COL11A1: variants seen among roughly 807,000 people sequenced by gnomAD.
COL11A1 encodes collagen alpha-1(XI) chain.
COL11A1 carries 74 observed loss-of-function variants against 265.2 expected under a neutral mutation model. The ratio of observed to expected loss-of-function variants is 0.28; its 90% CI spans 0.23 to 0.34. COL11A1 has a LOEUF of 0.34. Ranked by LOEUF, COL11A1 falls within the 10% of genes least tolerant of loss-of-function variation. COL11A1 has a pLI of 1.00. For synonymous variants in COL11A1, 816 were observed against 727.6 expected (o/e 1.12, Z -1.96); for missense variants, 2,165 against 2,263.6 (o/e 0.96, Z 0.88).
In COL11A1 at chr1:102,996,000, G is replaced by T. The variant is rs759469788; in HGVS notation, c.2284C>A (p.Arg762=). 6.2e-7 allele frequency: 1 copy of T among 1,613,174 alleles called. No homozygotes were observed. Among genetic ancestry groups the T allele is most frequent in the South Asian group, 1.1e-5 (1 of 91,062 alleles). ...PQGPIGYPGP[R]GVKGADGVRG... The stretch of plus-strand genomic sequence containing the variant: ...CAATTTAACGTTACCTTTACTCCCC[G>T]GGGGCCCGGGTATCCAATAGGACCT... The change falls in exon 27 of 67, where the codon CGG becomes AGG. Residue 762 remains arginine (R), a synonymous_variant. Coordinates refer to ENST00000370096, the MANE Select transcript of COL11A1 (RefSeq NM_001854.4).
chr1:103,025,688 G>C, intron 6 of COL11A1, 75 bp from the exon 7 acceptor site: 1 of 1,562,426 alleles, frequency 6.4e-7, no homozygotes, highest in Non-Finnish European at 8.8e-7. Context: ...GATTTAATTG[G>C]GTTATAGTAT....
intron 54 of COL11A1, among the ~76,000 whole-genome samples, chr1:102,908,206 T>G (rs1371439417): frequency 1.3e-5 from 2 of 152,138 alleles, no homozygotes; most frequent in Non-Finnish European, 2.9e-5. Flanking sequence ...TACTTTTTCA[T>G]GCCTTTGGCA....
At chr1:102,993,995 G>A (rs934456940) in intron 28 of COL11A1, among the ~76,000 whole-genome samples, 2 of 152,142 alleles carry the variant, frequency 1.3e-5, no homozygotes, top group East Asian at 1.9e-4. Context: ...AAGTAGGTGA[G>A]CTAATGTGAA....
intron 53 of COL11A1, 59 bp from the exon 54 acceptor site, chr1:102,912,271 A>C: frequency 7.1e-7 from 1 of 1,411,460 alleles, no homozygotes; most frequent in Non-Finnish European, 9.7e-7. Context: ...GGCCCACATA[A>C]ATTTTCAAAA....
chr1:102,916,005 G>A (rs971311935), intron 49 of COL11A1, among the ~76,000 whole-genome samples: 47 of 152,054 alleles, frequency 3.1e-4, no homozygotes, highest in Non-Finnish European at 5.1e-4. Context: ...TATTTGCACT[G>A]TGTCAATATT....
At chr1:103,012,304 A>T in intron 14 of COL11A1, 109 bp downstream of exon 14, 1 of 792,092 alleles carries the variant, frequency 1.3e-6, no homozygotes, top group Non-Finnish European at 2.2e-6. Context: ...GCATGAAAAC[A>T]TACCCTATTG....
chr1:102,951,744 AAAAATAAAAT>A (rs140090643), intron 41 of COL11A1, among the ~76,000 whole-genome samples: 27,676 of 151,638 alleles, frequency 0.18, 2,695 homozygotes, highest in African/African-American at 0.22. Flanking sequence ...TCCGTCTTAA[AAAAATAAAAT>A]AAAATAAAAT....
At chr1:102,971,580 T>C (rs1317402895) in intron 36 of COL11A1, among the ~76,000 whole-genome samples, 2 of 152,172 alleles carry the variant, frequency 1.3e-5, no homozygotes, top group Admixed American at 1.3e-4. Context: ...TTAATATATG[T>C]TCTTATAGAG....
At chr1:103,032,798 C>G (rs1008858412) in intron 4 of COL11A1, among the ~76,000 whole-genome samples, 2 of 152,014 alleles carry the variant, frequency 1.3e-5, no homozygotes, top group Non-Finnish European at 2.9e-5. Context: ...ATTTATATTT[C>G]TATGCTTACA....
intron 54 of COL11A1, among the ~76,000 whole-genome samples, chr1:102,902,192 A>G (rs1269044450): frequency 6.6e-6 from 1 of 152,186 alleles, no homozygotes; most frequent in African/African-American, 2.4e-5. Flanking sequence ...GGACCTGTTA[A>G]GAGTTCACTT....
intron 31 of COL11A1, among the ~76,000 whole-genome samples, chr1:102,983,438 C>T (rs1663230099): frequency 6.6e-6 from 1 of 151,898 alleles, no homozygotes; most frequent in Admixed American, 6.6e-5. Context: ...TCCCTAAATC[C>T]AATGGCGAGT....
chr1:102,884,973 T>G (rs1325017308), intron 63 of COL11A1, among the ~76,000 whole-genome samples: 1 of 152,194 alleles, frequency 6.6e-6, no homozygotes. Context: ...ATTAAAACCC[T>G]TATTCCAGAG....
chr1:102,991,228 G>C (rs1177417877), intron 28 of COL11A1, among the ~76,000 whole-genome samples: 1 of 152,018 alleles, frequency 6.6e-6, no homozygotes, highest in African/African-American at 2.4e-5. Context: ...TTTTATTTCA[G>C]TTGGTAGAAA....
chr1:102,968,013 A>G (rs1343349457), intron 37 of COL11A1, among the ~76,000 whole-genome samples: 2 of 152,230 alleles, frequency 1.3e-5, no homozygotes, highest in Non-Finnish European at 2.9e-5. Flanking sequence ...GCTGGAAGAC[A>G]GCATTGCCCA....
intron 41 of COL11A1, among the ~76,000 whole-genome samples, chr1:102,953,300 G>T (rs965702637): frequency 6.6e-6 from 1 of 151,412 alleles, no homozygotes; most frequent in Non-Finnish European, 1.5e-5. Flanking sequence ...AGTAGTTACT[G>T]GCACATAGTA....
At chr1:103,029,029 T>A (rs987074599) in intron 5 of COL11A1, among the ~76,000 whole-genome samples, 2 of 152,046 alleles carry the variant, frequency 1.3e-5, no homozygotes, top group Admixed American at 6.6e-5. Context: ...TATGATTAAA[T>A]TAAAATCTGT....
chr1:102,911,259 T>C (rs1654637913), intron 54 of COL11A1, among the ~76,000 whole-genome samples: 1 of 152,152 alleles, frequency 6.6e-6, no homozygotes. Flanking sequence ...AAGAGAAATG[T>C]TTGTAAATAT....
At chr1:103,088,298 C>T (rs1295158615) in intron 1 of COL11A1, among the ~76,000 whole-genome samples, 1 of 152,072 alleles carries the variant, frequency 6.6e-6, no homozygotes. Context: ...TCTGGGCCTC[C>T]GTTTCTATAT....
chr1:103,003,364 A>C, intron 20 of COL11A1, 96 bp from the exon 21 acceptor site: 2 of 1,295,940 alleles, frequency 1.5e-6, no homozygotes, highest in Non-Finnish European at 2.2e-6. Flanking sequence ...TATTTTTAGA[A>C]TAAAAATATT....
Sources: allele counts gnomAD v4.1 joint callset (sites outside exome capture counted in the v4.1 genomes callset), GRCh38; gene constraint gnomAD v4.1.1; transcripts MANE v1.5; gene names NCBI Gene and HGNC (gene_info 2026-07-23, HGNC 2026-07-21).